Variants in SEC22C observed in about 807,000 individuals in gnomAD.
SEC22C encodes the protein vesicle-trafficking protein SEC22c.
Under a neutral mutation model 34.7 loss-of-function variants are expected in SEC22C, and 29 were observed. The ratio of observed to expected loss-of-function variants is 0.84; its 90% CI spans 0.62 to 1.14. The LOEUF is 1.14. SEC22C is among the 50% of genes most tolerant of loss of function. SEC22C has a pLI of 0.00. For synonymous variants in SEC22C, 117 were observed against 132.8 expected (o/e 0.88, Z 0.82); for missense variants, 337 against 369.0 (o/e 0.91, Z 0.71).
intron 1 of SEC22C, chr3:42,590,991 G>C: frequency 1.0e-6 from 1 of 957,864 alleles, no homozygotes; most frequent in Non-Finnish European, 1.6e-6. Flanking sequence ...GGGCGGGCGG[G>C]CGGGCGGAGA....
At chr3:42,566,969 T>TGA (rs1446896078) in intron 2 of SEC22C, 1 of 187,746 alleles carries the variant, frequency 5.3e-6, no homozygotes, top group Non-Finnish European at 1.2e-5. Context: ...CTTTGGAGGC[T>TGA]GAGGTGTGAA....
chr3:42,552,525 T>C lies in SEC22C; in HGVS notation c.*723A>G. 1 of 982,242 alleles carries C rather than the reference T, an allele frequency of 1.0e-6. No homozygotes were observed. Among genetic ancestry groups the C allele is most frequent in the Non-Finnish European group, 1.2e-6 (1 of 827,084 alleles). The allele number at this position is 982,242 out of a possible 1,614,324, so 60.8% of individuals were successfully genotyped here. On this transcript the variant is annotated 3_prime_UTR_variant, in exon 7 of 7. Coordinates refer to ENST00000264454, the MANE Select transcript of SEC22C (RefSeq NM_032970.4). ...GGTTATTCAATTAATTTTTAAAATA[T>C]TCGGATATACCCTGCAAATAAATAT...
chr3:42,552,986 A>G lies in SEC22C; in HGVS notation c.*262T>C. 1 of 1,273,440 alleles carries G rather than the reference A, an allele frequency of 7.9e-7. No homozygotes were observed. The highest frequency in any genetic ancestry group is 2.2e-5 in the South Asian group (1 of 46,370). 78.9% of individuals were successfully genotyped at this position (1,273,440 alleles called of 1,614,324 possible). ...TCTCTTCCAATAAAGCTCTTTCTGG[A>G]TGAGCCCCCAGATCCAGCTGTCCTA... On this transcript the variant is annotated 3_prime_UTR_variant, in exon 7 of 7. Coordinates refer to ENST00000264454, the MANE Select transcript of SEC22C (RefSeq NM_032970.4).
At chr3:42,580,169 T>C (rs1019214600) in intron 1 of SEC22C, among the ~76,000 whole-genome samples, 4 of 152,310 alleles carry the variant, frequency 2.6e-5, no homozygotes, top group South Asian at 2.1e-4. Flanking sequence ...GATCCTGTTT[T>C]TTCTTCCACC....
intron 1 of SEC22C, among the ~76,000 whole-genome samples, chr3:42,574,423 A>T (rs1703835976): frequency 6.6e-6 from 1 of 151,964 alleles, no homozygotes; most frequent in African/African-American, 2.4e-5. Flanking sequence ...ATGAAGGAAC[A>T]TTAAAGGAAT....
chr3:42,557,711 A>T lies in SEC22C; in HGVS notation c.527-15T>A. 1.5e-6 allele frequency: 2 copies of T among 1,332,676 alleles called. No homozygotes were observed. Among genetic ancestry groups the T allele is most frequent in the Non-Finnish European group, 2.1e-6 (2 of 931,882 alleles). 82.6% of individuals were successfully genotyped at this position (1,332,676 alleles called of 1,614,324 possible). A position where few individuals can be genotyped will look rare whatever the true frequency, so the allele number is the denominator to read the frequency against. On this transcript the variant is annotated splice_polypyrimidine_tract_variant and intron_variant, in intron 4 of 6. Transcript: ENST00000264454. ...GAAATTAGGAGCTTCACAATGGAAAAAAAACAAGTGTCTAGTGTAAGTAAT... is the reference window on the plus strand; with the variant it reads ...GAAATTAGGAGCTTCACAATGGAAATAAAACAAGTGTCTAGTGTAAGTAAT...
At chr3:42,585,538 C>T (rs1383832498), upstream of SEC22C, among the ~76,000 whole-genome samples, 1 of 152,140 alleles carries the variant, frequency 6.6e-6, no homozygotes, top group Non-Finnish European at 1.5e-5. Flanking sequence ...GTTCATTTGT[C>T]CCTCTACTTT....
intron 1 of SEC22C, chr3:42,579,458 C>T (rs1704174776): frequency 6.9e-6 from 1 of 145,538 alleles, no homozygotes; most frequent in South Asian, 2.2e-4. Context: ...AAAAAAAAGC[C>T]AGGCATGGTG....
At position 42,552,409 on chromosome 3, in the gene SEC22C, T is replaced by G; in HGVS notation, c.*839A>C. 1.0e-6 allele frequency: 1 copy of G among 985,430 alleles called. No homozygotes were observed. The highest frequency in any genetic ancestry group is 1.2e-6 in the Non-Finnish European group (1 of 829,926). The allele number at this position is 985,430 out of a possible 1,614,324, so 61.0% of individuals were successfully genotyped here. A position where few individuals can be genotyped will look rare whatever the true frequency, so the allele number is the denominator to read the frequency against. ...CTGTAAAGTGCCACTGAATCCATGT[T>G]CATTCACCTACTCCAGGTTGTGGTC... On this transcript the variant is annotated 3_prime_UTR_variant, in exon 7 of 7. Coordinates refer to ENST00000264454, the MANE Select transcript of SEC22C (RefSeq NM_032970.4).
At chr3:42,567,806 C>T (rs1229648499) in intron 2 of SEC22C, among the ~76,000 whole-genome samples, 1 of 152,208 alleles carries the variant, frequency 6.6e-6, no homozygotes, top group Admixed American at 6.5e-5. Flanking sequence ...CGCAGTGGCT[C>T]ACGCCTGTAA....
At position 42,551,572 on chromosome 3, in the gene SEC22C, A is replaced by G. The variant is rs375744320; in HGVS notation, c.*1676T>C. On this transcript the variant is annotated 3_prime_UTR_variant, in exon 7 of 7. Coordinates refer to ENST00000264454, the MANE Select transcript of SEC22C (RefSeq NM_032970.4). ...AGGCTGGTCTCAAACTACTGGCCTCAACCGAGTCTCCTGCTTTGGCCTTCC... is the reference window on the plus strand; with the variant it reads ...AGGCTGGTCTCAAACTACTGGCCTCGACCGAGTCTCCTGCTTTGGCCTTCC... The G allele has an allele frequency of 7.2e-4, 436 of 605,760 alleles. 3 individuals are homozygous for G. The South Asian group carries it at 0.015, about 20-fold the overall frequency. The allele number at this position is 605,760 out of a possible 1,614,324, so 37.5% of individuals were successfully genotyped here.
chr3:42,583,495 C>G (rs1704502363), upstream of SEC22C, among the ~76,000 whole-genome samples: 2 of 152,134 alleles, frequency 1.3e-5, 1 homozygote, highest in African/African-American at 4.8e-5. Flanking sequence ...TAAGATTGAT[C>G]TTGAGCTCCA....
At position 42,548,427 on chromosome 3, in the gene SEC22C, G is replaced by T; in HGVS notation, c.*4821C>A. On this transcript the variant is annotated 3_prime_UTR_variant, in exon 7 of 7. Transcript: ENST00000264454. ...ATTTTACCCTAAATAAAAGGCGCTTGTGGGCAACAGCTCTGCCATCAATAC... is the reference window on the plus strand; with the variant it reads ...ATTTTACCCTAAATAAAAGGCGCTTTTGGGCAACAGCTCTGCCATCAATAC... 1.6e-6 allele frequency: 1 copy of T among 639,988 alleles called. No homozygotes were observed. Among genetic ancestry groups the T allele is most frequent in the Non-Finnish European group, 2.7e-6 (1 of 364,116 alleles). The allele number at this position is 639,988 out of a possible 1,614,324, so 39.6% of individuals were successfully genotyped here.
rs534975438 is a variant in SEC22C at position 42,567,084 on chromosome 3, AT to A, written c.182+1780del. On this transcript the variant is annotated intron_variant, in intron 2 of 6. Transcript: ENST00000264454. The stretch of plus-strand genomic sequence containing the variant: ...CCCTACCACACTTGGGTAATTTTTA[AT>A]TTTTTTGTAGAGATGGGGTCTTATC... 1.4e-4 allele frequency among the ~76,000 whole-genome samples: 22 copies of A among 152,122 alleles called. No homozygotes were observed. In the East Asian group the frequency reaches 4.3e-3, roughly 29 times the overall value.
chr3:42,581,766 G>A (rs1231315647), intron 1 of SEC22C, 80 bp downstream of exon 1: 1 of 152,482 alleles, frequency 6.6e-6, no homozygotes, highest in Non-Finnish European at 1.5e-5. Flanking sequence ...TCCACCTCTG[G>A]GCCCGCCCTG....
intron 1 of SEC22C, chr3:42,591,079 G>A: frequency 8.1e-7 from 1 of 1,237,324 alleles, no homozygotes; most frequent in Non-Finnish European, 1.1e-6. Context: ...TGTGAAGGGT[G>A]CTGAGCAGCC....
In SEC22C at chr3:42,550,809, T is replaced by C. The variant is rs1369967007; in HGVS notation, c.*2439A>G. ...AAAGCACCTGGGGTACAGGTCTACA[T>C]GGCAACCCAATGCCACATAGGAAAA... is the stretch of plus-strand genomic sequence containing the variant. On this transcript the variant is annotated 3_prime_UTR_variant, in exon 7 of 7. Coordinates refer to ENST00000264454, the MANE Select transcript of SEC22C (RefSeq NM_032970.4). 2 of 984,720 alleles carry C rather than the reference T, an allele frequency of 2.0e-6. No individual in the cohort carries two copies. The highest frequency in any genetic ancestry group is 2.4e-6 in the Non-Finnish European group (2 of 829,882). The allele number at this position is 984,720 out of a possible 1,614,324, so 61.0% of individuals were successfully genotyped here. A position where few individuals can be genotyped will look rare whatever the true frequency, so the allele number is the denominator to read the frequency against.
intron 4 of SEC22C, among the ~76,000 whole-genome samples, chr3:42,560,118 CTCTATATATA>C (rs1264895939): frequency 0.018 from 1,661 of 90,578 alleles, 16 homozygotes; most frequent in African/African-American, 0.055. Context: ...CTCTCTCTCT[CTCTATATATA>C]TATATATATA....
intron 5 of SEC22C, 151 bp from the exon 6 acceptor site, chr3:42,556,146 A>G: frequency 1.6e-6 from 1 of 637,200 alleles, no homozygotes; most frequent in African/African-American, 1.8e-5. Context: ...TATGCACCAG[A>G]TCAGGGTTAG....
Sources: allele counts gnomAD v4.1 joint callset (sites outside exome capture counted in the v4.1 genomes callset), GRCh38; gene constraint gnomAD v4.1.1; transcripts MANE v1.5; gene names NCBI Gene and HGNC (gene_info 2026-07-23, HGNC 2026-07-21).